The following NAV2 variants were observed in gnomAD, a reference collection of about 807,000 sequenced individuals.
The protein encoded by NAV2 is helicase, APC down-regulated 1.
A neutral mutation model predicts 223.2 loss-of-function variants in NAV2; 54 were observed. The observed-to-expected ratio is 0.24, with a 90% CI of 0.19 to 0.30. The LOEUF (loss-of-function observed/expected upper bound fraction) is 0.30. Among genes scored for constraint, NAV2 ranks in the 10% least tolerant of loss-of-function variants. NAV2 has a pLI of 1.00. For missense variants in NAV2, 2,806 were observed against 3,147.5 expected, an observed-to-expected ratio of 0.89 and a Z score of 2.60; for synonymous variants, 1,279 against 1,239.3, an observed-to-expected ratio of 1.03 and a Z score of -0.67.
At chr11:19,398,710 G>C (rs1849564784) in intron 1 of NAV2, among the ~76,000 whole-genome samples, 1 of 152,070 alleles carries the variant, frequency 6.6e-6, no homozygotes, top group Admixed American at 6.5e-5. Flanking sequence ...TTCTTGCTCA[G>C]CCCCTTAATT....
chr11:19,496,760 G>A (rs1306961078), intron 1 of NAV2, among the ~76,000 whole-genome samples: 3 of 152,152 alleles, frequency 2.0e-5, no homozygotes, highest in Admixed American at 6.5e-5. Flanking sequence ...GAATGAACAA[G>A]CTATTTTAAA....
At chr11:19,820,020 G>T (rs2059289975) in intron 1 of NAV2, among the ~76,000 whole-genome samples, 1 of 152,246 alleles carries the variant, frequency 6.6e-6, no homozygotes, top group African/African-American at 2.4e-5. Context: ...TGGAGCTGAG[G>T]TGTTTGGCTG....
chr11:19,882,032 G>A (rs988815233), intron 5 of NAV2, among the ~76,000 whole-genome samples: 11 of 152,212 alleles, frequency 7.2e-5, no homozygotes, highest in African/African-American at 2.4e-4. Context: ...CCGTCATAGA[G>A]TACCAGTTAA....
chr11:19,805,473 A>G (rs1437682561), intron 1 of NAV2, among the ~76,000 whole-genome samples: 1 of 152,106 alleles, frequency 6.6e-6, no homozygotes, highest in Non-Finnish European at 1.5e-5. Context: ...GGCTATAAAT[A>G]AGGCTGTTGC....
At chr11:19,653,539 G>A (rs4757834) in intron 1 of NAV2, among the ~76,000 whole-genome samples, 131,820 of 152,218 alleles carry the variant, frequency 0.87, 58,168 homozygotes, top group Middle Eastern at 0.97. Context: ...ATCCAAAGAC[G>A]TGTAGACAGG....
rs76495872 is a variant in NAV2, at chr11:19,565,982, T to C, written c.75+214955T>C. Among the ~76,000 whole-genome samples, 80 of 152,302 alleles carry C rather than the reference T, an allele frequency of 5.3e-4. 2 individuals are homozygous for C. The East Asian group carries it at 0.014, about 28-fold the overall frequency. The stretch of plus-strand genomic sequence containing the variant: ...GGTGAATTGTAATGTCAGCAACCTA[T>C]GGATAGACCGCAGGACACTGGGCTG... On this transcript the variant is annotated intron_variant, in intron 1 of 37. Coordinates refer to the NAV2 transcript ENST00000360655.
At chr11:19,758,632 G>A (rs953271993) in intron 1 of NAV2, among the ~76,000 whole-genome samples, 4 of 152,248 alleles carry the variant, frequency 2.6e-5, no homozygotes, top group Non-Finnish European at 5.9e-5. Flanking sequence ...AGCCCCAGTG[G>A]TGGGTGAACT....
chr11:20,017,939 G>C (rs1393623905), intron 11 of NAV2, among the ~76,000 whole-genome samples: 1 of 152,104 alleles, frequency 6.6e-6, no homozygotes, highest in Non-Finnish European at 1.5e-5. Context: ...ATCCAGGAGA[G>C]CTTTCCTTCC....
chr11:19,386,650 C>T (rs1367327966), intron 1 of NAV2, among the ~76,000 whole-genome samples: 1 of 151,936 alleles, frequency 6.6e-6, no homozygotes, highest in Admixed American at 6.6e-5. Flanking sequence ...CATAGTATAA[C>T]ATCAGGAAAT....
At chr11:19,425,107 G>GAAT (rs1391678336) in intron 1 of NAV2, among the ~76,000 whole-genome samples, 1 of 152,146 alleles carries the variant, frequency 6.6e-6, no homozygotes, top group Admixed American at 6.5e-5. Flanking sequence ...GGCTATTATG[G>GAAT]AATAATAAGG....
chr11:19,587,408 C>G (rs542078603), intron 1 of NAV2, among the ~76,000 whole-genome samples: 1 of 152,310 alleles, frequency 6.6e-6, no homozygotes, highest in Non-Finnish European at 1.5e-5. Flanking sequence ...TGACACTCCT[C>G]AGTGAGATGA....
At chr11:19,632,432 G>T (rs995266497) in intron 1 of NAV2, among the ~76,000 whole-genome samples, 3 of 152,220 alleles carry the variant, frequency 2.0e-5, no homozygotes, top group Non-Finnish European at 4.4e-5. Context: ...CAAACTGAAA[G>T]TGTTGTCTAG....
At chr11:19,429,668 G>T (rs1409792781) in intron 1 of NAV2, among the ~76,000 whole-genome samples, 3 of 152,220 alleles carry the variant, frequency 2.0e-5, no homozygotes, top group Admixed American at 6.5e-5. Flanking sequence ...ACTCCCAAGT[G>T]CTGGACACTT....
At chr11:19,613,480 G>C (rs1300837322) in intron 1 of NAV2, among the ~76,000 whole-genome samples, 2 of 152,228 alleles carry the variant, frequency 1.3e-5, no homozygotes, top group Non-Finnish European at 2.9e-5. Flanking sequence ...AGGCTGGAAA[G>C]GTCCTGTGTT....
Position 19,713,721 on chromosome 11 carries a change from A to G in NAV2, c.26A>G (p.Lys9Arg), listed in dbSNP as rs1288286466. The G allele has an allele frequency of 1.3e-6, 2 of 1,581,094 alleles. No individual in the cohort carries two copies. Among genetic ancestry groups the G allele is most frequent in the Non-Finnish European group, 1.7e-6 (2 of 1,158,868 alleles). The change falls in exon 1 of 38, where the codon AAA (lysine) becomes AGA (arginine). Residue 9 changes from lysine to arginine, a missense_variant. By Grantham distance (26) the Lys-to-Arg change is conservative. Coordinates refer to ENST00000349880, the MANE Select transcript of NAV2 (RefSeq NM_145117.5). The surrounding 1 kb of genome is among the most constrained non-coding windows in gnomAD (Gnocchi z 7.2). Reference sequence around the variant, plus strand: ...ATGCCGGCCATCCTGGTCGCCTCCAAAATGAAGTCGGGACTGCCCAAACCC... The same window carrying G: ...ATGCCGGCCATCCTGGTCGCCTCCAGAATGAAGTCGGGACTGCCCAAACCC... MPAILVAS[K>R]MKSGLPKPVH... is the part of the protein sequence containing the mutation.
In NAV2 at chr11:20,048,764, C is replaced by A; in HGVS notation, c.3939C>A (p.Ile1313=). 2 of 1,614,144 alleles carry A rather than the reference C, an allele frequency of 1.2e-6. No homozygotes were observed. Among genetic ancestry groups the A allele is most frequent in the Non-Finnish European group, 8.5e-7 (1 of 1,180,004 alleles). The change falls in exon 15 of 38, where the codon ATC becomes ATA. Residue 1313 remains isoleucine, a synonymous_variant. Coordinates refer to ENST00000349880, the MANE Select transcript of NAV2 (RefSeq NM_145117.5). The part of the protein sequence containing the change: ...FGGKPTKQVP[I]ATAENMKNSV... ...GGAAGCCTACCAAGCAAGTGCCCAT[C>A]GCCACAGCTGAAAACATGAAAAATT... is the stretch of plus-strand genomic sequence containing the variant.
At chr11:19,369,488 C>A (rs1848400288) in intron 1 of NAV2, among the ~76,000 whole-genome samples, 1 of 152,160 alleles carries the variant, frequency 6.6e-6, no homozygotes, top group African/African-American at 2.4e-5. Flanking sequence ...AAAAAGAAAT[C>A]TTTAACCAGG....
rs75311947 is a variant in NAV2, at chr11:19,408,595, C to T, written c.75+57568C>T. Among the ~76,000 whole-genome samples the T allele has an allele frequency of 5.5e-3, 837 of 152,226 alleles. 6 individuals are homozygous for T. The highest frequency in any genetic ancestry group is 9.6e-3 in the Non-Finnish European group (653 of 67,974). On this transcript the variant is annotated intron_variant, in intron 1 of 37. Transcript: ENST00000360655. ...ACAAAAGCAAACTGCAATATACTTA[C>T]GCCTGCCAGGTTCTGTGCTGAGATC...
intron 1 of NAV2, among the ~76,000 whole-genome samples, chr11:19,431,518 C>T (rs139449847): frequency 1.3e-5 from 2 of 152,270 alleles, no homozygotes; most frequent in African/African-American, 4.8e-5. Context: ...GAAACTCTTA[C>T]CTGGAATTCT....
Sources: gnomAD v4.1 joint callset for allele counts (sites outside exome capture counted in the v4.1 genomes callset) on GRCh38, gnomAD v4.1.1 for gene constraint, Gnocchi (gnomAD v3.1) non-coding constraint, MANE v1.5 for transcripts, NCBI Gene and HGNC (gene_info 2026-07-23, HGNC 2026-07-21) for gene names.